Variants in NOL7 observed in about 807,000 individuals in gnomAD.
NOL7 encodes the protein nucleolar protein 7.
In NOL7, 36 loss-of-function variants were observed where a neutral mutation model predicts 38.4. The observed-to-expected ratio is 0.94, with a 90% CI of 0.72 to 1.24. The LOEUF (loss-of-function observed/expected upper bound fraction) is 1.24. NOL7 is among the 50% of genes most tolerant of loss of function. The pLI is 0.00. For missense variants in NOL7, 350 were observed against 315.1 expected, an observed-to-expected ratio of 1.11 and a Z score of -0.84; for synonymous variants, 142 against 126.5, an observed-to-expected ratio of 1.12 and a Z score of -0.82.
intron 5 of NOL7, among the ~76,000 whole-genome samples, chr6:13,619,480 C>T (rs1349882805): frequency 1.3e-5 from 2 of 152,170 alleles, no homozygotes; most frequent in Non-Finnish European, 2.9e-5. Flanking sequence ...AATATAGAAA[C>T]AAATGTAAAG....
intron 4 of NOL7, 101 bp downstream of exon 4, chr6:13,617,902 C>G (rs560011476): frequency 8.0e-7 from 1 of 1,246,240 alleles, no homozygotes; most frequent in Non-Finnish European, 1.2e-6. Context: ...CCAGCATGGG[C>G]CTGGCCAAGG....
Position 13,616,499 on chromosome 6 carries a change from T to TG in NOL7, c.364_365insG (p.Leu122CysfsTer8). On this transcript the variant is annotated frameshift_variant, in exon 3 of 8. Coordinates refer to ENST00000451315, the MANE Select transcript of NOL7 (RefSeq NM_016167.5). LOFTEE classifies it high-confidence loss of function. ...CCTTCCAGACACTATTTTGGAGAAG[T>TG]TAACCACAGCTTCACAGACTAAGTA... 1.2e-6 allele frequency: 2 copies of TG among 1,609,154 alleles called. No individual in the cohort carries two copies. The highest frequency in any genetic ancestry group is 1.7e-6 in the Non-Finnish European group (2 of 1,177,900).
intron 5 of NOL7, among the ~76,000 whole-genome samples, chr6:13,618,643 G>T (rs927425309): frequency 2.0e-5 from 3 of 152,126 alleles, no homozygotes; most frequent in African/African-American, 7.2e-5. Flanking sequence ...TAATCCCAGC[G>T]TTTTGGGAGG....
chr6:13,631,490 A>G (rs1389158383), intron 8 of NOL7, among the ~76,000 whole-genome samples: 1 of 152,188 alleles, frequency 6.6e-6, no homozygotes, highest in Non-Finnish European at 1.5e-5. Flanking sequence ...ACTCTTAAGT[A>G]TCAGATTTTG....
intron 2 of NOL7, among the ~76,000 whole-genome samples, chr6:13,615,984 C>G (rs749962030): frequency 2.0e-5 from 3 of 151,420 alleles, no homozygotes; most frequent in Non-Finnish European, 2.9e-5. Flanking sequence ...TGCCTGGAGC[C>G]GAGATCACAC....
downstream of NOL7, among the ~76,000 whole-genome samples, chr6:13,625,966 C>T (rs1237277330): frequency 6.6e-6 from 1 of 152,110 alleles, no homozygotes. Context: ...TTTCATTTTT[C>T]CTGTGGACAG....
chr6:13,621,055 C>A lies in NOL7; in HGVS notation c.*228C>A. 3.5e-6 allele frequency: 1 copy of A among 287,144 alleles called. No individual in the cohort carries two copies. Among genetic ancestry groups the A allele is most frequent in the Non-Finnish European group, 6.6e-6 (1 of 151,630 alleles). The allele number at this position is 287,144 out of a possible 1,614,324, so 17.8% of individuals were successfully genotyped here. A position where few individuals can be genotyped will look rare whatever the true frequency, so the allele number is the denominator to read the frequency against. On this transcript the variant is annotated 3_prime_UTR_variant, in exon 8 of 8. Transcript: ENST00000451315. ...TATATTTAACTGAATTCAAGCCATA[C>A]CCACATCAGCAACAGCACCTCTTCT...
rs6937316 is a variant in NOL7, at chr6:13,617,750, G to A, written c.387-20G>A. 1,834 of 1,612,546 alleles carry A rather than the reference G, an allele frequency of 1.1e-3. 20 individuals are homozygous for A. In the African/African-American group the frequency reaches 0.021, roughly 19 times the overall value. On this transcript the variant is annotated intron_variant, in intron 3 of 7. Transcript: ENST00000451315. ...ATCTTTACTGCCATTGCAGTCAGTGGTTTTGTTTTTTTTCCTTAGCATCAA... is the reference window on the plus strand; with the variant it reads ...ATCTTTACTGCCATTGCAGTCAGTGATTTTGTTTTTTTTCCTTAGCATCAA...
chr6:13,625,540 T>C, downstream of NOL7: 1 of 626,612 alleles, frequency 1.6e-6, no homozygotes, highest in African/African-American at 1.8e-5. Flanking sequence ...ATTTTAAAAA[T>C]ATAGAAAACA....
At chr6:13,619,085 C>T (rs1764367579) in intron 5 of NOL7, among the ~76,000 whole-genome samples, 1 of 152,192 alleles carries the variant, frequency 6.6e-6, no homozygotes, top group South Asian at 2.1e-4. Context: ...ACTTGCCAGC[C>T]TACTCTTATT....
chr6:13,617,252 C>CA (rs538715951), intron 3 of NOL7, among the ~76,000 whole-genome samples: 4 of 151,832 alleles, frequency 2.6e-5, no homozygotes, highest in Admixed American at 1.3e-4. Context: ...TTTGCCCCCC[C>CA]CCACCTCCCA....
intron 5 of NOL7, among the ~76,000 whole-genome samples, chr6:13,618,902 C>T (rs562249822): frequency 2.6e-5 from 4 of 152,048 alleles, no homozygotes; most frequent in Non-Finnish European, 5.9e-5. Context: ...AAAAAAAAAT[C>T]GGTTTTCATA....
chr6:13,619,082 A>C (rs1764367432), intron 5 of NOL7, among the ~76,000 whole-genome samples: 1 of 152,228 alleles, frequency 6.6e-6, no homozygotes, highest in South Asian at 2.1e-4. Flanking sequence ...CAAACTTGCC[A>C]GCCTACTCTT....
At chr6:13,620,117 T>A in intron 5 of NOL7, 91 bp from the exon 6 acceptor site, 1 of 1,415,492 alleles carries the variant, frequency 7.1e-7, no homozygotes, top group Non-Finnish European at 9.5e-7. Context: ...TCGCGCAGCC[T>A]GGGTGACAGA....
chr6:13,618,876 G>T (rs1215547727), intron 5 of NOL7, among the ~76,000 whole-genome samples: 1 of 152,114 alleles, frequency 6.6e-6, no homozygotes, highest in Admixed American at 6.5e-5. Flanking sequence ...GAGCGACAGA[G>T]TGAGACCCTG....
intron 5 of NOL7, among the ~76,000 whole-genome samples, chr6:13,619,300 C>G (rs1047147114): frequency 1.3e-5 from 2 of 152,226 alleles, no homozygotes; most frequent in Non-Finnish European, 2.9e-5. Flanking sequence ...TTATGGTCTA[C>G]AGAAGTCACA....
In NOL7 at chr6:13,618,137, C is replaced by A. The variant is rs763239332; in HGVS notation, c.498C>A (p.Val166=). ...KKVKVQKVQS[V]SQNKSYLAVR... ...TTAAAGTACAAAAAGTACAGTCTGT[C>A]AGGTAATGAGTCTTTTGTTTCATTT... is the stretch of plus-strand genomic sequence containing the variant. Residue 166 remains valine, a splice_region_variant and synonymous_variant, in exon 5 of 8, where the codon GTC becomes GTA. Transcript: ENST00000451315. 6.4e-7 allele frequency: 1 copy of A among 1,554,118 alleles called. No homozygotes were observed. Among genetic ancestry groups the A allele is most frequent in the South Asian group, 1.1e-5 (1 of 88,758 alleles).
At chr6:13,632,099 C>G (rs2127761382) in intron 8 of NOL7, among the ~76,000 whole-genome samples, 1 of 127,116 alleles carries the variant, frequency 7.9e-6, no homozygotes, top group East Asian at 2.6e-4. Context: ...TTGATAAGCA[C>G]TAGCACTGGG....
chr6:13,627,675 G>A lies in NOL7; in HGVS notation n.574-4718G>A, dbSNP rs140383528. ...AAAAATCACGTTATTTTTAAGGACT[G>A]AGCTTTGCTCAAGACTTAATTTACC... On this transcript the variant is annotated intron_variant and non_coding_transcript_variant, in intron 8 of 8. Transcript: ENST00000474485. 5.4e-3 allele frequency among the ~76,000 whole-genome samples: 797 copies of A among 147,522 alleles called. 3 individuals carry two copies. The highest frequency in any genetic ancestry group is 0.018 in the African/African-American group (739 of 40,268).
Sources: allele counts gnomAD v4.1 joint callset (sites outside exome capture counted in the v4.1 genomes callset), GRCh38; gene constraint gnomAD v4.1.1; transcripts MANE v1.5; gene names NCBI Gene and HGNC (gene_info 2026-07-23, HGNC 2026-07-21).